Variants in TFCP2 observed in about 807,000 individuals in gnomAD.
The protein encoded by TFCP2 is transcription factor CP2.
Under a neutral mutation model 73.4 loss-of-function variants are expected in TFCP2, and 33 were observed. The ratio of observed to expected loss-of-function variants is 0.45; its 90% CI spans 0.34 to 0.60. The LOEUF is 0.60. TFCP2 is among the 20% of genes least tolerant of loss of function. The probability of loss-of-function intolerance (pLI) is 0.01; values close to 1 mark genes in which losing one functional copy is unlikely to be tolerated. For missense variants in TFCP2, 352 were observed against 604.0 expected, an observed-to-expected ratio of 0.58 and a Z score of 4.37; for synonymous variants, 193 against 211.6, an observed-to-expected ratio of 0.91 and a Z score of 0.76.
At chr12:51,104,874 G>A (rs1413548405) in intron 8 of TFCP2, among the ~76,000 whole-genome samples, 1 of 151,808 alleles carries the variant, frequency 6.6e-6, no homozygotes, top group Admixed American at 6.6e-5. Context: ...ACTACACCCG[G>A]CTAATTTTTT....
At chr12:51,120,631 A>T (rs1283722762) in intron 1 of TFCP2, among the ~76,000 whole-genome samples, 1 of 152,168 alleles carries the variant, frequency 6.6e-6, no homozygotes, top group African/African-American at 2.4e-5. Context: ...AGGTAGAAGT[A>T]AAAATAATAA....
intron 1 of TFCP2, among the ~76,000 whole-genome samples, chr12:51,125,687 G>A (rs759475168): frequency 6.6e-5 from 10 of 152,118 alleles, no homozygotes; most frequent in Non-Finnish European, 1.2e-4. Flanking sequence ...TTTTAAATTT[G>A]CTGTAATTCT....
intron 1 of TFCP2, among the ~76,000 whole-genome samples, chr12:51,120,714 AG>A (rs1940645614): frequency 6.6e-6 from 1 of 152,060 alleles, no homozygotes; most frequent in East Asian, 1.9e-4. Context: ...AGATCACTTG[AG>A]GCCAGGAGTT....
At chr12:51,142,970 T>C (rs950015658) in intron 1 of TFCP2, among the ~76,000 whole-genome samples, 1 of 152,042 alleles carries the variant, frequency 6.6e-6, no homozygotes, top group African/African-American at 2.4e-5. Context: ...CTCCTAAATT[T>C]ACCACTCTCT....
chr12:51,102,490 T>C (rs1226543543), intron 10 of TFCP2, among the ~76,000 whole-genome samples: 1 of 151,944 alleles, frequency 6.6e-6, no homozygotes, highest in Non-Finnish European at 1.5e-5. Context: ...CTTTGGGATG[T>C]CGAGGAGGGT....
At chr12:51,160,537 T>A (rs188380336) in intron 1 of TFCP2, among the ~76,000 whole-genome samples, 18 of 152,222 alleles carry the variant, frequency 1.2e-4, no homozygotes, top group Admixed American at 9.8e-4. Flanking sequence ...GTTCTTTCTG[T>A]GTAGAGAACA....
intron 1 of TFCP2, among the ~76,000 whole-genome samples, chr12:51,133,570 C>T (rs1014045950): frequency 6.6e-6 from 1 of 152,148 alleles, no homozygotes; most frequent in Non-Finnish European, 1.5e-5. Context: ...CTTGGCCCCA[C>T]AAAGTGCTGG....
At chr12:51,109,038 T>C (rs1940329506) in intron 6 of TFCP2, 83 bp downstream of exon 6, 2 of 1,486,786 alleles carry the variant, frequency 1.3e-6, no homozygotes, top group Non-Finnish European at 1.8e-6. Flanking sequence ...AAAAGACAAG[T>C]TGATTTTCTG....
chr12:51,157,676 C>CT lies in TFCP2; in HGVS notation c.122+14624dup, dbSNP rs1565578176. ...AGTATTTCAGTAATTTGAGTTTTTT[C>CT]TTTTCTTTTCTTTTTTTTTTTTTTT... On this transcript the variant is annotated intron_variant, in intron 1 of 14. Coordinates refer to ENST00000257915, the MANE Select transcript of TFCP2 (RefSeq NM_005653.5). 4.4e-4 allele frequency among the ~76,000 whole-genome samples: 50 copies of CT among 112,692 alleles called. 1 individual carries two copies. Among genetic ancestry groups the CT allele is most frequent in the African/African-American group, 1.5e-3 (45 of 30,142 alleles). The allele number at this position is 112,692 out of a possible 152,430, so 73.9% of individuals were successfully genotyped here.
At chr12:51,158,626 C>T (rs751694742) in intron 1 of TFCP2, among the ~76,000 whole-genome samples, 2 of 151,312 alleles carry the variant, frequency 1.3e-5, no homozygotes, top group Non-Finnish European at 2.9e-5. Context: ...GTAGCTGGGA[C>T]TACAGGCATG....
At chr12:51,170,805 A>G (rs1482918077) in intron 1 of TFCP2, among the ~76,000 whole-genome samples, 2 of 151,890 alleles carry the variant, frequency 1.3e-5, no homozygotes, top group African/African-American at 4.8e-5. Context: ...CAGCCTCCCA[A>G]GTAGCTGGGA....
intron 1 of TFCP2, among the ~76,000 whole-genome samples, chr12:51,130,795 T>G (rs578060606): frequency 9.2e-5 from 14 of 152,236 alleles, no homozygotes; most frequent in Non-Finnish European, 1.8e-4. Context: ...AAGACCAGCC[T>G]GGCCAACATG....
Position 51,163,287 on chromosome 12 carries a change from C to G in TFCP2, c.122+9014G>C, listed in dbSNP as rs140598273. Among the ~76,000 whole-genome samples, 1,000 of 152,006 alleles carry G rather than the reference C, an allele frequency of 6.6e-3. 11 individuals are homozygous for G. Among genetic ancestry groups the G allele is most frequent in the African/African-American group, 0.022 (927 of 41,490 alleles). ...CCTGGGCAACAGAGCAAGACCCTGT[C>G]TTAAAAAATAATAGTAATAAGGCCG... On this transcript the variant is annotated intron_variant, in intron 1 of 14. Transcript: ENST00000257915.
At chr12:51,100,808 T>C (rs993414027) in intron 11 of TFCP2, among the ~76,000 whole-genome samples, 4 of 152,162 alleles carry the variant, frequency 2.6e-5, no homozygotes, top group African/African-American at 7.2e-5. Context: ...AGCAAGACCC[T>C]GTCTGAAGAA....
intron 1 of TFCP2, among the ~76,000 whole-genome samples, chr12:51,159,346 AT>A (rs201637237): frequency 1.3e-5 from 2 of 149,478 alleles, no homozygotes; most frequent in Admixed American, 6.7e-5. Context: ...TTTATTTTTT[AT>A]TTTTTTTTGA....
chr12:51,162,969 A>G (rs977799822), intron 1 of TFCP2: 10 of 152,208 alleles, frequency 6.6e-5, no homozygotes, highest in African/African-American at 2.2e-4. Context: ...GCCTCTGAGC[A>G]AGGATGACAT....
In TFCP2 at chr12:51,117,788, T is replaced by G. The variant is rs765762235; in HGVS notation, c.275-41A>C. On this transcript the variant is annotated intron_variant, in intron 2 of 14. Transcript: ENST00000257915. ...ATTACATATTATATTCACCACAAAT[T>G]AACTTTGCTAGATTCGGAAAGAATA... is the stretch of plus-strand genomic sequence containing the variant. The G allele has an allele frequency of 3.8e-5, 52 of 1,379,928 alleles. No individual in the cohort carries two copies. The East Asian group carries it at 9.9e-4, about 26-fold the overall frequency. The allele number at this position is 1,379,928 out of a possible 1,614,324, so 85.5% of individuals were successfully genotyped here. A position where few individuals can be genotyped will look rare whatever the true frequency, so the allele number is the denominator to read the frequency against.
At chr12:51,131,966 C>T (rs1326206901) in intron 1 of TFCP2, among the ~76,000 whole-genome samples, 14 of 152,168 alleles carry the variant, frequency 9.2e-5, no homozygotes, top group African/African-American at 3.1e-4. Flanking sequence ...GTACTCACTT[C>T]TCCCTAACCA....
At chr12:51,163,792 A>G (rs1056627385) in intron 1 of TFCP2, among the ~76,000 whole-genome samples, 1 of 151,986 alleles carries the variant, frequency 6.6e-6, no homozygotes, top group Non-Finnish European at 1.5e-5. Flanking sequence ...GATAAAAAAA[A>G]GAAAGACCTT....
Sources: gnomAD v4.1 joint callset for allele counts (sites outside exome capture counted in the v4.1 genomes callset) on GRCh38, gnomAD v4.1.1 for gene constraint, MANE v1.5 for transcripts, NCBI Gene and HGNC (gene_info 2026-07-23, HGNC 2026-07-21) for gene names.